FHOD3: variants seen among roughly 807,000 people sequenced by gnomAD.
The protein encoded by FHOD3 is formin homology 2 domain containing 3, also known as FH1/FH2 domain-containing protein 3.
Under a neutral mutation model 173.0 loss-of-function variants are expected in FHOD3, and 90 were observed. That is an observed-to-expected ratio of 0.52 (90% CI 0.44 to 0.62). The LOEUF is 0.62. FHOD3 is among the 20% of genes least tolerant of loss of function. The probability of loss-of-function intolerance (pLI) is 0.00; values close to 1 mark genes in which losing one functional copy is unlikely to be tolerated. For missense variants in FHOD3, 1,945 were observed against 2,034.7 expected (o/e 0.96, Z 0.85); for synonymous variants, 828 against 823.0 (o/e 1.01, Z -0.10).
At position 36,681,495 on chromosome 18, in the gene FHOD3, CAG is replaced by C. The variant is rs144071785; in HGVS notation, c.1906_1907del (p.Arg636AlafsTer48). 1.8e-4 allele frequency: 283 copies of C among 1,537,260 alleles called. No individual in the cohort carries two copies. Among genetic ancestry groups the C allele is most frequent in the South Asian group, 4.5e-4 (37 of 82,756 alleles). ...AGGCAGCACCAAGAGTCACTGGCAG[CAG>C]AGAGAGAGAGGCGGCGGCAGGAGAG... On this transcript the variant is annotated frameshift_variant, in exon 15 of 29. Transcript: ENST00000590592. LOFTEE classifies it high-confidence loss of function.
intron 3 of FHOD3, among the ~76,000 whole-genome samples, chr18:36,454,467 A>G (rs1307282650): frequency 6.6e-6 from 1 of 152,168 alleles, no homozygotes; most frequent in Non-Finnish European, 1.5e-5. Flanking sequence ...TATTAAGATG[A>G]TGTCAATATT....
chr18:36,551,894 CTGTAGCCT>C (rs1402857529), intron 5 of FHOD3, among the ~76,000 whole-genome samples: 1 of 152,226 alleles, frequency 6.6e-6, no homozygotes, highest in Non-Finnish European at 1.5e-5. Flanking sequence ...GTTTTGGTTA[CTGTAGCCT>C]TGTAGTATAG....
chr18:36,693,130 A>C lies in FHOD3; in HGVS notation c.2022-79A>C. The C allele has an allele frequency of 2.2e-6, 3 of 1,375,922 alleles. No homozygotes were observed. The South Asian group carries it at 3.8e-5, about 17-fold the overall frequency. The allele number at this position is 1,375,922 out of a possible 1,614,324, so 85.2% of individuals were successfully genotyped here. A position where few individuals can be genotyped will look rare whatever the true frequency, so the allele number is the denominator to read the frequency against. On this transcript the variant is annotated intron_variant, in intron 16 of 28. Coordinates refer to ENST00000590592, the MANE Select transcript of FHOD3 (RefSeq NM_001281740.3). ...GCATCAGGAAACCGGCTCATTCTGC[A>C]GGTGTTTCATCCATAAACAAGCATC...
Position 36,695,010 on chromosome 18 carries a change from T to TGA in FHOD3, c.2236+1587_2236+1588insGA, listed in dbSNP as rs1272970703. 2.0e-5 allele frequency among the ~76,000 whole-genome samples: 3 copies of TGA among 151,922 alleles called. No homozygotes were observed. The East Asian group carries it at 5.8e-4, about 29-fold the overall frequency. On this transcript the variant is annotated intron_variant, in intron 17 of 28. Coordinates refer to ENST00000590592, the MANE Select transcript of FHOD3 (RefSeq NM_001281740.3). ...GTGTGTGTGTGTGCGTGTGTGTGTG[T>TGA]AGTATGCATTTGGGGAAGATATGTC...
chr18:36,548,681 C>G (rs1020076573), intron 5 of FHOD3, among the ~76,000 whole-genome samples: 1 of 152,200 alleles, frequency 6.6e-6, no homozygotes, highest in Non-Finnish European at 1.5e-5. Flanking sequence ...TGAATTGGAT[C>G]ATACAGTACA....
At chr18:36,410,447 T>C (rs1013525569) in intron 3 of FHOD3, among the ~76,000 whole-genome samples, 2 of 152,214 alleles carry the variant, frequency 1.3e-5, no homozygotes, top group African/African-American at 4.8e-5. Flanking sequence ...ATAATGCTGG[T>C]ATGAACATTT....
intron 3 of FHOD3, among the ~76,000 whole-genome samples, chr18:36,499,103 G>C (rs919087660): frequency 2.0e-4 from 30 of 151,216 alleles, no homozygotes; most frequent in African/African-American, 6.6e-4. Context: ...GTTTTGTTTT[G>C]TTTTGTTTTG....
rs765240021 is a variant in FHOD3 at position 36,589,921 on chromosome 18, A to G, written c.607-4866A>G. 2.6e-5 allele frequency among the ~76,000 whole-genome samples: 4 copies of G among 152,180 alleles called. No individual in the cohort carries two copies. In the East Asian group the frequency reaches 7.7e-4, roughly 29 times the overall value. On this transcript the variant is annotated intron_variant, in intron 6 of 28. Coordinates refer to ENST00000590592, the MANE Select transcript of FHOD3 (RefSeq NM_001281740.3). ...GCAGGTGCTTGAGCCTGTAAGTTGT[A>G]GTGAAACCCTTCGTTACCACGTGAA... is the stretch of plus-strand genomic sequence containing the variant.
chr18:36,415,431 G>T (rs1466575626), intron 3 of FHOD3, among the ~76,000 whole-genome samples: 1 of 152,126 alleles, frequency 6.6e-6, no homozygotes, highest in African/African-American at 2.4e-5. Context: ...AAGAGAAAGG[G>T]GAGAAAAAGT....
At chr18:36,724,466 C>T (rs1035816223) in intron 19 of FHOD3, among the ~76,000 whole-genome samples, 14 of 152,174 alleles carry the variant, frequency 9.2e-5, no homozygotes, top group African/African-American at 2.9e-4. Context: ...AGTTGACAGT[C>T]GCTGCCTCCC....
chr18:36,298,333 C>A (rs1474887500), intron 1 of FHOD3, among the ~76,000 whole-genome samples: 1 of 152,142 alleles, frequency 6.6e-6, no homozygotes, highest in Non-Finnish European at 1.5e-5. Context: ...GGGGCTAGGA[C>A]GCGGGCAGTC....
chr18:36,355,881 A>G (rs552185876), intron 2 of FHOD3, among the ~76,000 whole-genome samples: 77 of 152,268 alleles, frequency 5.1e-4, no homozygotes, highest in African/African-American at 1.1e-3. Context: ...ATTTGTGGTA[A>G]TCAAGCACAT....
chr18:36,493,092 G>T (rs943332097), intron 3 of FHOD3, among the ~76,000 whole-genome samples: 2 of 152,006 alleles, frequency 1.3e-5, no homozygotes, highest in Non-Finnish European at 2.9e-5. Flanking sequence ...GTTGGATTCG[G>T]TCCATGATTT....
intron 1 of FHOD3, among the ~76,000 whole-genome samples, chr18:36,300,823 T>G (rs1020445840): frequency 2.0e-5 from 3 of 152,106 alleles, no homozygotes; most frequent in Non-Finnish European, 2.9e-5. Flanking sequence ...ACTGTAACCT[T>G]GACCTCCCTG....
intron 9 of FHOD3, among the ~76,000 whole-genome samples, chr18:36,617,724 T>C (rs753118226): frequency 6.6e-6 from 1 of 152,196 alleles, no homozygotes; most frequent in Non-Finnish European, 1.5e-5. Context: ...TGTCATTTCA[T>C]ATTCTGGTCT....
At chr18:36,571,908 A>G (rs1420385885) in intron 5 of FHOD3, among the ~76,000 whole-genome samples, 1 of 152,192 alleles carries the variant, frequency 6.6e-6, no homozygotes, top group Non-Finnish European at 1.5e-5. Flanking sequence ...CATAAGAGAA[A>G]ATCTTTGTGA....
intron 9 of FHOD3, among the ~76,000 whole-genome samples, chr18:36,624,076 A>G (rs901122901): frequency 1.1e-4 from 17 of 152,198 alleles, no homozygotes; most frequent in Non-Finnish European, 1.6e-4. Context: ...GAGAACTTGC[A>G]TGTTTGGGGA....
At chr18:36,736,599 C>G (rs536691894) in intron 20 of FHOD3, among the ~76,000 whole-genome samples, 1 of 152,316 alleles carries the variant, frequency 6.6e-6, no homozygotes, top group Non-Finnish European at 1.5e-5. Context: ...GCAATGCTGT[C>G]AAGCCATCCC....
chr18:36,401,812 G>A (rs2146682833), intron 3 of FHOD3, among the ~76,000 whole-genome samples: 1 of 152,270 alleles, frequency 6.6e-6, no homozygotes, highest in African/African-American at 2.4e-5. Context: ...GCACAGAGTG[G>A]CCGTCATTAC....
Sources: allele counts gnomAD v4.1 joint callset (sites outside exome capture counted in the v4.1 genomes callset), GRCh38; gene constraint gnomAD v4.1.1; transcripts MANE v1.5; gene names NCBI Gene and HGNC (gene_info 2026-07-23, HGNC 2026-07-21).